AVL9: variants seen among roughly 807,000 people sequenced by gnomAD.
AVL9 encodes the protein late secretory pathway protein AVL9 homolog.
In AVL9, 49 loss-of-function variants were observed where a neutral mutation model predicts 79.2. The observed-to-expected ratio is 0.62, with a 90% CI of 0.49 to 0.79. The LOEUF (loss-of-function observed/expected upper bound fraction) is 0.79, where lower values mean the gene tolerates loss of function less well. Ranked by LOEUF, AVL9 falls within the 30% of genes least tolerant of loss-of-function variation. The probability of loss-of-function intolerance (pLI) is 0.00; values close to 1 mark genes in which losing one functional copy is unlikely to be tolerated. For missense variants in AVL9, 682 were observed against 776.8 expected (o/e 0.88, Z 1.45); for synonymous variants, 299 against 280.6 (o/e 1.07, Z -0.65).
At chr7:32,577,486 C>T (rs1389907811) in intron 13 of AVL9, among the ~76,000 whole-genome samples, 1 of 152,180 alleles carries the variant, frequency 6.6e-6, no homozygotes, top group Non-Finnish European at 1.5e-5. Context: ...AGTCTCTATT[C>T]TCAGCGTGCT....
chr7:32,569,967 G>C, intron 10 of AVL9, 53 bp from the exon 11 acceptor site: 1 of 1,588,020 alleles, frequency 6.3e-7, no homozygotes, highest in South Asian at 1.1e-5. Flanking sequence ...AGTTTAAAGA[G>C]AAAGGTAACC....
chr7:32,552,275 A>T lies in AVL9; in HGVS notation c.509A>T (p.Glu170Val), dbSNP rs779706788. Residue 170 changes from glutamate to valine, a missense_variant, in exon 6 of 16, where the codon GAA becomes GTA. Transcript: ENST00000318709. Reference protein sequence around the residue: ...MNSSLGGASLEGSQVYLGLSP... With the variant: ...MNSSLGGASLVGSQVYLGLSP... ...AGTTCCTTGGGAGGTGCTTCATTAG[A>T]AGGATCCCAAGTATATCTTGGTAAG... The T allele has an allele frequency of 6.2e-7, 1 of 1,601,918 alleles. No homozygotes were observed. The highest frequency in any genetic ancestry group is 1.1e-5 in the South Asian group (1 of 90,626).
chr7:32,574,310 GGA>G (rs1790988256), intron 12 of AVL9, among the ~76,000 whole-genome samples: 1 of 152,020 alleles, frequency 6.6e-6, no homozygotes, highest in Admixed American at 6.6e-5. Context: ...GTAGGTTTCG[GGA>G]GAGTTTTTCA....
At chr7:32,499,127 C>T (rs1787003450) in intron 1 of AVL9, among the ~76,000 whole-genome samples, 1 of 151,896 alleles carries the variant, frequency 6.6e-6, no homozygotes, top group Non-Finnish European at 1.5e-5. Flanking sequence ...CTGCCTACTG[C>T]ACTCCAGCCT....
chr7:32,559,828 C>T, intron 10 of AVL9: 1 of 167,528 alleles, frequency 6.0e-6, no homozygotes, highest in South Asian at 1.8e-4. Flanking sequence ...TACTATGGTT[C>T]AGTTACAGAA....
intron 8 of AVL9, among the ~76,000 whole-genome samples, chr7:32,556,809 A>C (rs1446950074): frequency 6.6e-6 from 1 of 152,068 alleles, no homozygotes; most frequent in Non-Finnish European, 1.5e-5. Context: ...TCTGTTGCCC[A>C]GGCTAGAGTG....
chr7:32,517,916 C>T (rs1396323848), intron 1 of AVL9, among the ~76,000 whole-genome samples: 2 of 151,988 alleles, frequency 1.3e-5, no homozygotes. Context: ...ACTGCAACCT[C>T]TACCTACCAG....
chr7:32,576,213 ATAGAG>A, intron 13 of AVL9, 141 bp downstream of exon 13: 1 of 629,066 alleles, frequency 1.6e-6, no homozygotes, highest in Non-Finnish European at 2.8e-6. Context: ...GCTCCCAAAT[ATAGAG>A]AAACAGCTTA....
At chr7:32,540,943 GGCT>G (rs1789165707) in intron 1 of AVL9, among the ~76,000 whole-genome samples, 1 of 125,714 alleles carries the variant, frequency 8.0e-6, no homozygotes, top group South Asian at 2.5e-4. Flanking sequence ...CTGTCGCCCA[GGCT>G]GGAGTGCAGT....
At chr7:32,551,517 C>A in intron 5 of AVL9, 94 bp downstream of exon 5, 3 of 557,496 alleles carry the variant, frequency 5.4e-6, no homozygotes, top group Non-Finnish European at 6.0e-6. Flanking sequence ...ATAATTATTA[C>A]CTTAAGAAAG....
chr7:32,580,048 C>T (rs1345196970), intron 13 of AVL9, among the ~76,000 whole-genome samples, 171 bp from the exon 14 acceptor site: 3 of 152,102 alleles, frequency 2.0e-5, no homozygotes, highest in Non-Finnish European at 4.4e-5. Flanking sequence ...TTCTGGATGT[C>T]GTCACTGTAA....
chr7:32,568,359 C>G (rs908025914), intron 10 of AVL9, among the ~76,000 whole-genome samples: 1 of 151,820 alleles, frequency 6.6e-6, no homozygotes, highest in South Asian at 2.1e-4. Context: ...CGCCACCATG[C>G]CTGGCTAATT....
intron 1 of AVL9, among the ~76,000 whole-genome samples, chr7:32,510,708 A>G (rs1787631014): frequency 7.9e-6 from 1 of 126,762 alleles, no homozygotes. Flanking sequence ...CAGTCCTGGC[A>G]CTTCTGAACT....
intron 1 of AVL9, among the ~76,000 whole-genome samples, chr7:32,518,333 G>GATTAAA (rs1787996574): frequency 6.6e-6 from 1 of 152,040 alleles, no homozygotes; most frequent in Admixed American, 6.6e-5. Flanking sequence ...ATAGGTAAAC[G>GATTAAA]ATTAAAATAA....
intron 6 of AVL9, among the ~76,000 whole-genome samples, chr7:32,553,066 A>G (rs912239477): frequency 6.6e-6 from 1 of 152,156 alleles, no homozygotes; most frequent in Non-Finnish European, 1.5e-5. Context: ...CTCAATTCCA[A>G]TTTCAGCATG....
intron 1 of AVL9, among the ~76,000 whole-genome samples, chr7:32,521,175 C>T (rs1417585029): frequency 6.6e-6 from 1 of 152,102 alleles, no homozygotes; most frequent in Non-Finnish European, 1.5e-5. Context: ...TAAACTGGTA[C>T]TGGTAGAGTG....
Position 32,495,777 on chromosome 7 carries a change from G to T in AVL9, c.68G>T (p.Gly23Val). Residue 23 changes from glycine (G) to valine (V), a missense_variant, in exon 1 of 16, where the codon GGA (glycine) becomes GTA (valine). Transcript: ENST00000318709. ...CCCGTACTGCACATCGTGGTGGTCG[G>T]ATTTCACCACAAGAAGGGCTGCCAG... ...RGPVLHIVVV[G>V]FHHKKGCQVE... The T allele has an allele frequency of 1.6e-6, 2 of 1,260,278 alleles. No homozygotes were observed. The highest frequency in any genetic ancestry group is 2.0e-6 in the Non-Finnish European group (2 of 992,504). 78.1% of individuals were successfully genotyped at this position (1,260,278 alleles called of 1,614,324 possible).
At position 32,559,122 on chromosome 7, in the gene AVL9, G is replaced by A. The variant is rs774417716; in HGVS notation, c.873G>A (p.Met291Ile). 2 of 1,614,046 alleles carry A rather than the reference G, an allele frequency of 1.2e-6. No homozygotes were observed. The highest frequency in any genetic ancestry group is 1.7e-6 in the Non-Finnish European group (2 of 1,179,964). The change falls in exon 10 of 16, where the codon ATG (methionine) becomes ATA (isoleucine). Residue 291 changes from methionine (M) to isoleucine (I), a missense_variant. Coordinates refer to ENST00000318709, the MANE Select transcript of AVL9 (RefSeq NM_015060.3). The part of the protein sequence containing the change: ...MAGNHGEDAA[M>I]KTEEPLFQVE... ...GAAACCATGGAGAAGATGCTGCCAT[G>A]AAGACTGAGGAGCCTTTGTTCCAAG...
chr7:32,495,935 A>C (rs1412344762), intron 1 of AVL9, 133 bp downstream of exon 1: 3 of 503,920 alleles, frequency 6.0e-6, no homozygotes, highest in Non-Finnish European at 9.7e-6. Context: ...TTCGCCTCTC[A>C]ACCTGACTCC....
Sources: gnomAD v4.1 joint callset for allele counts (sites outside exome capture counted in the v4.1 genomes callset) on GRCh38, gnomAD v4.1.1 for gene constraint, MANE v1.5 for transcripts, NCBI Gene and HGNC (gene_info 2026-07-23, HGNC 2026-07-21) for gene names.